Variants in LCK observed in about 807,000 individuals in gnomAD.
LCK encodes LCK proto-oncogene, Src family tyrosine kinase.
Under a neutral mutation model 64.6 loss-of-function variants are expected in LCK, and 14 were observed. That is an observed-to-expected ratio of 0.22 (90% confidence interval 0.14 to 0.34). The LOEUF (loss-of-function observed/expected upper bound fraction) is 0.34, where lower values mean the gene tolerates loss of function less well. Among genes scored for constraint, LCK ranks in the 10% least tolerant of loss-of-function variants. The pLI is 1.00. For synonymous variants in LCK, 277 were observed against 263.6 expected, an observed-to-expected ratio of 1.05 and a Z score of -0.49; for missense variants, 434 against 668.1, an observed-to-expected ratio of 0.65 and a Z score of 3.86.
In LCK at chr1:32,285,503, T is replaced by C; in HGVS notation, c.1328-11T>C. ...CCTGACCTTGATGTCCTTTCACCCATCAACCCGTAGGGATGACCAACCCGG... is the reference window on the plus strand; with the variant it reads ...CCTGACCTTGATGTCCTTTCACCCACCAACCCGTAGGGATGACCAACCCGG... On this transcript the variant is annotated splice_polypyrimidine_tract_variant and intron_variant, in intron 12 of 12. Transcript: ENST00000336890. 2 of 1,613,820 alleles carry C rather than the reference T, an allele frequency of 1.2e-6. No homozygotes were observed. Among genetic ancestry groups the C allele is most frequent in the African/African-American group, 1.3e-5 (1 of 75,032 alleles).
At chr1:32,258,061 C>G (rs1046305061) in intron 1 of LCK, among the ~76,000 whole-genome samples, 1 of 151,658 alleles carries the variant, frequency 6.6e-6, no homozygotes, top group African/African-American at 2.4e-5. Context: ...AGCAAGGGGA[C>G]TGCTTGAGCC....
chr1:32,267,653 T>C (rs1386579837), intron 1 of LCK, among the ~76,000 whole-genome samples: 1 of 152,044 alleles, frequency 6.6e-6, no homozygotes, highest in African/African-American at 2.4e-5. Context: ...CCCAGCACTT[T>C]GAGAGGCCGA....
chr1:32,278,348 A>G (rs1345900057), intron 9 of LCK, among the ~76,000 whole-genome samples: 1 of 151,654 alleles, frequency 6.6e-6, no homozygotes. Context: ...TGTCATGTGT[A>G]TCTTTTTTTT....
chr1:32,274,479 A>G lies in LCK; in HGVS notation c.105+45A>G, dbSNP rs370947248. ...CCTTGGTGAGGGAGTTGGGTAGAGA[A>G]TGCAACCCAGGAGAAAGAAATGACC... On this transcript the variant is annotated intron_variant, in intron 2 of 12. Coordinates refer to ENST00000336890, the MANE Select transcript of LCK (RefSeq NM_005356.5). The G allele has an allele frequency of 1.4e-5, 21 of 1,481,324 alleles. No homozygotes were observed. The African/African-American group carries it at 2.4e-4, about 17-fold the overall frequency. The allele number at this position is 1,481,324 out of a possible 1,614,324, so 91.8% of individuals were successfully genotyped here.
chr1:32,261,842 A>G (rs1639780702), intron 1 of LCK, among the ~76,000 whole-genome samples: 1 of 148,254 alleles, frequency 6.7e-6, no homozygotes. Flanking sequence ...AATCCCAGCT[A>G]CTCCGGAGGC....
chr1:32,275,295 C>A lies in LCK; in HGVS notation c.279-26C>A. 6.2e-7 allele frequency: 1 copy of A among 1,611,820 alleles called. No individual in the cohort carries two copies. The highest frequency in any genetic ancestry group is 8.5e-7 in the Non-Finnish European group (1 of 1,177,946). On this transcript the variant is annotated intron_variant, in intron 4 of 12. Transcript: ENST00000336890. This position sits in a 1 kb window ranked among gnomAD's most constrained non-coding sequence, Gnocchi z 6.9. ...GTCTCAGGTCGACGGCTGAGCGAGC[C>A]ACACTGACCCACCTCCGTGGCGCAG...
chr1:32,279,814 G>A (rs577230065), intron 10 of LCK, 27 bp from the exon 11 acceptor site: 2 of 1,613,426 alleles, frequency 1.2e-6, no homozygotes, highest in South Asian at 1.1e-5. Context: ...TCTGGCTCAG[G>A]ACCGCTGATC....
At position 32,275,727 on chromosome 1, in the gene LCK, G is replaced by C. The variant is rs969834765; in HGVS notation, c.481+55G>C. 4.3e-5 allele frequency: 63 copies of C among 1,479,984 alleles called. No homozygotes were observed. Among genetic ancestry groups the C allele is most frequent in the South Asian group, 1.8e-4 (15 of 82,772 alleles). 91.7% of individuals were successfully genotyped at this position (1,479,984 alleles called of 1,614,324 possible). ...GGGGGTGCCCCGGGGTGTGCCCGAGGGGGGGCGCAGGGTGAGCCCGAGGTG... is the reference window on the plus strand; with the variant it reads ...GGGGGTGCCCCGGGGTGTGCCCGAGCGGGGGCGCAGGGTGAGCCCGAGGTG... On this transcript the variant is annotated intron_variant, in intron 6 of 12. Coordinates refer to ENST00000336890, the MANE Select transcript of LCK (RefSeq NM_005356.5). The surrounding 1 kb of genome is among the most constrained non-coding windows in gnomAD (Gnocchi z 6.9).
intron 1 of LCK, 71 bp from the exon 2 acceptor site, chr1:32,274,254 C>A (rs1436048610): frequency 6.2e-7 from 1 of 1,611,284 alleles, no homozygotes; most frequent in African/African-American, 1.3e-5. Context: ...CAGGGCAAGG[C>A]CCCATTATAT....
intron 1 of LCK, among the ~76,000 whole-genome samples, chr1:32,268,099 C>T (rs1271114262): frequency 1.8e-4 from 27 of 151,552 alleles, no homozygotes; most frequent in Admixed American, 7.2e-4. Context: ...GAGGCTGAGG[C>T]AGGAGAATCG....
chr1:32,272,627 G>GAGAGAGAGAA (rs1640116472), intron 1 of LCK, among the ~76,000 whole-genome samples: 2 of 142,846 alleles, frequency 1.4e-5, no homozygotes, highest in Middle Eastern at 3.6e-3. Context: ...GAGAGAAAGA[G>GAGAGAGAGAA]AGAGAGAGAG....
At chr1:32,263,768 A>G (rs1639843814) in intron 1 of LCK, among the ~76,000 whole-genome samples, 1 of 152,084 alleles carries the variant, frequency 6.6e-6, no homozygotes, top group Non-Finnish European at 1.5e-5. Context: ...AAAATTAGTC[A>G]GGCTTGGTGG....
chr1:32,278,117 T>C (rs1640337943), intron 9 of LCK, among the ~76,000 whole-genome samples: 2 of 152,160 alleles, frequency 1.3e-5, no homozygotes, highest in African/African-American at 4.8e-5. Flanking sequence ...AGGTTGAGGC[T>C]GCACTGAGCT....
Position 32,280,737 on chromosome 1 carries a change from G to A in LCK, c.1327+527G>A, listed in dbSNP as rs144136204. Among the ~76,000 whole-genome samples, 421 of 152,104 alleles carry A rather than the reference G, an allele frequency of 2.8e-3. 1 individual carries two copies. Among genetic ancestry groups the A allele is most frequent in the African/African-American group, 9.9e-3 (412 of 41,526 alleles). ...CCCAGTGTTGGGATTACAGGCGTGA[G>A]CCACCACACCCGGCCCCAGCTCTTT... is the stretch of plus-strand genomic sequence containing the variant. On this transcript the variant is annotated intron_variant, in intron 12 of 12. Transcript: ENST00000336890.
At chr1:32,274,129 C>T in intron 1 of LCK, 196 bp from the exon 2 acceptor site, 1 of 1,214,098 alleles carries the variant, frequency 8.2e-7, no homozygotes, top group Non-Finnish European at 1.1e-6. Context: ...TTACTTGTAG[C>T]CTGAGGGCTC....
chr1:32,272,704 G>A lies in LCK; in HGVS notation c.-5-1621G>A, dbSNP rs76091884. On this transcript the variant is annotated intron_variant, in intron 1 of 12. Coordinates refer to ENST00000336890, the MANE Select transcript of LCK (RefSeq NM_005356.5). ...AGAACCACAAGTACAAAGGCATTAAGTAAGAAAATAGCATGGGGTGTTTGG... is the reference window on the plus strand; with the variant it reads ...AGAACCACAAGTACAAAGGCATTAAATAAGAAAATAGCATGGGGTGTTTGG... Among the ~76,000 whole-genome samples the A allele has an allele frequency of 5.6e-4, 85 of 152,010 alleles. No homozygotes were observed. The East Asian group carries it at 0.013, about 24-fold the overall frequency.
At chr1:32,264,645 G>A (rs971764108) in intron 1 of LCK, among the ~76,000 whole-genome samples, 13 of 152,044 alleles carry the variant, frequency 8.6e-5, no homozygotes, top group African/African-American at 2.9e-4. Context: ...TGAAGACAAA[G>A]TGTCTTTTAC....
At chr1:32,283,608 G>A (rs146956760) in intron 12 of LCK, among the ~76,000 whole-genome samples, 1 of 152,286 alleles carries the variant, frequency 6.6e-6, no homozygotes, top group Non-Finnish European at 1.5e-5. Flanking sequence ...AAGCCTGCCA[G>A]AGGGGCCAGG....
At chr1:32,283,790 C>T (rs1640531464) in intron 12 of LCK, among the ~76,000 whole-genome samples, 1 of 152,198 alleles carries the variant, frequency 6.6e-6, no homozygotes, top group Non-Finnish European at 1.5e-5. Flanking sequence ...GACCTCACCA[C>T]TGTCTTGGTT....
Sources: gnomAD v4.1 joint callset for allele counts (sites outside exome capture counted in the v4.1 genomes callset) on GRCh38, gnomAD v4.1.1 for gene constraint, Gnocchi (gnomAD v3.1) non-coding constraint, MANE v1.5 for transcripts, NCBI Gene and HGNC (gene_info 2026-07-23, HGNC 2026-07-21) for gene names.